The following KPNA6 variants were observed in gnomAD, a reference collection of about 807,000 sequenced individuals.
The protein encoded by KPNA6 is karyopherin subunit alpha 6, also known as importin subunit alpha-7.
Under a neutral mutation model 72.0 loss-of-function variants are expected in KPNA6, and 9 were observed. The ratio of observed to expected loss-of-function variants is 0.13; its 90% CI spans 0.08 to 0.22. The LOEUF is 0.22. Ranked by LOEUF, KPNA6 falls within the 10% of genes least tolerant of loss-of-function variation. KPNA6 has a pLI of 1.00. For synonymous variants in KPNA6, 219 were observed against 242.1 expected, an observed-to-expected ratio of 0.90 and a Z score of 0.89; for missense variants, 374 against 655.7, an observed-to-expected ratio of 0.57 and a Z score of 4.69.
intron 1 of KPNA6, among the ~76,000 whole-genome samples, chr1:32,145,755 T>G (rs1406967830): frequency 6.6e-6 from 1 of 152,256 alleles, no homozygotes. Context: ...GGTTTATTTC[T>G]GGACTCTCAA....
At chr1:32,159,914 C>T (rs1037264275) in intron 6 of KPNA6, among the ~76,000 whole-genome samples, 5 of 152,234 alleles carry the variant, frequency 3.3e-5, no homozygotes, top group South Asian at 4.1e-4. Context: ...AAAGATACAA[C>T]TTCCATTTCT....
At chr1:32,145,588 G>A (rs1557472849) in intron 1 of KPNA6, among the ~76,000 whole-genome samples, 3 of 152,106 alleles carry the variant, frequency 2.0e-5, no homozygotes, top group Non-Finnish European at 4.4e-5. Context: ...GCCTCCCAAA[G>A]TGTTGAGATT....
At chr1:32,143,255 G>C (rs1641871748) in intron 1 of KPNA6, among the ~76,000 whole-genome samples, 1 of 151,948 alleles carries the variant, frequency 6.6e-6, no homozygotes, top group Non-Finnish European at 1.5e-5. Flanking sequence ...TGTAGAGATT[G>C]TGGTTTCACC....
rs1272760389 is a variant in KPNA6 at position 32,143,148 on chromosome 1, C to T, written c.5-11440C>T. ...TGCAGACACAGCTCACTTGCAGCCT[C>T]AACCTCCTGGGCTCAAGCAATCCTC... is the stretch of plus-strand genomic sequence containing the variant. On this transcript the variant is annotated intron_variant, in intron 1 of 13. Coordinates refer to ENST00000373625, the MANE Select transcript of KPNA6 (RefSeq NM_012316.5). The T allele has an allele frequency of 6.2e-6, 3 of 485,960 alleles. No individual in the cohort carries two copies. The Admixed American group carries it at 7.3e-5, about 12-fold the overall frequency. The allele number at this position is 485,960 out of a possible 1,614,324, so 30.1% of individuals were successfully genotyped here.
At chr1:32,134,401 G>T (rs992755702) in intron 1 of KPNA6, among the ~76,000 whole-genome samples, 1 of 151,874 alleles carries the variant, frequency 6.6e-6, no homozygotes, top group Non-Finnish European at 1.5e-5. Flanking sequence ...AGCACTTTAG[G>T]AGGCTGAGGC....
At chr1:32,161,097 A>G (rs1642229783) in intron 7 of KPNA6, among the ~76,000 whole-genome samples, 1 of 152,072 alleles carries the variant, frequency 6.6e-6, no homozygotes, top group African/African-American at 2.4e-5. Flanking sequence ...GATCAAGGCT[A>G]CAGTGAGCTG....
At chr1:32,108,912 AT>A (rs959918883) in intron 1 of KPNA6, among the ~76,000 whole-genome samples, 7 of 152,204 alleles carry the variant, frequency 4.6e-5, no homozygotes, top group Non-Finnish European at 8.8e-5. Context: ...AAGTCTTTGG[AT>A]TTAGAGACAG....
At chr1:32,129,900 G>A (rs193292888) in intron 1 of KPNA6, among the ~76,000 whole-genome samples, 72 of 152,230 alleles carry the variant, frequency 4.7e-4, no homozygotes, top group South Asian at 1.5e-3. Flanking sequence ...AACAACAAAG[G>A]AGTCCTCTTG....
intron 1 of KPNA6, among the ~76,000 whole-genome samples, chr1:32,143,603 T>A (rs891130632): frequency 4.6e-5 from 7 of 150,876 alleles, no homozygotes; most frequent in Non-Finnish European, 8.8e-5. Flanking sequence ...AAAAAAAAAT[T>A]ATTAGTGATA....
intron 7 of KPNA6, 71 bp downstream of exon 7, chr1:32,160,774 A>T: frequency 9.6e-7 from 1 of 1,043,234 alleles, no homozygotes; most frequent in Non-Finnish European, 1.5e-6. Flanking sequence ...TGGGGGCAGC[A>T]TACTTGATTC....
chr1:32,125,031 G>A (rs1641508749), intron 1 of KPNA6, among the ~76,000 whole-genome samples: 1 of 151,320 alleles, frequency 6.6e-6, no homozygotes, highest in African/African-American at 2.4e-5. Context: ...TTTTAGTGGA[G>A]ATGGTGTTCC....
chr1:32,138,880 TC>T (rs1641788599), intron 1 of KPNA6, among the ~76,000 whole-genome samples: 1 of 152,144 alleles, frequency 6.6e-6, no homozygotes, highest in Admixed American at 6.6e-5. Context: ...GGTATTTGTG[TC>T]TTGTGTCCTG....
At chr1:32,151,184 C>T (rs1325541909) in intron 1 of KPNA6, among the ~76,000 whole-genome samples, 4 of 151,954 alleles carry the variant, frequency 2.6e-5, no homozygotes, top group South Asian at 4.1e-4. Flanking sequence ...GGATGTAGGG[C>T]GTTTTATAGG....
chr1:32,169,725 G>C (rs898863972), intron 12 of KPNA6, among the ~76,000 whole-genome samples, 157 bp from the exon 13 acceptor site: 1 of 151,210 alleles, frequency 6.6e-6, no homozygotes, highest in Non-Finnish European at 1.5e-5. Flanking sequence ...CTCCCAAAGT[G>C]CTGGGATCAC....
intron 1 of KPNA6, among the ~76,000 whole-genome samples, chr1:32,125,759 C>A (rs1641520339): frequency 6.6e-6 from 1 of 152,010 alleles, no homozygotes; most frequent in South Asian, 2.1e-4. Context: ...GTTCCAGAAT[C>A]CTAATTTTTT....
At chr1:32,135,925 C>A (rs1641726861) in intron 1 of KPNA6, among the ~76,000 whole-genome samples, 1 of 151,842 alleles carries the variant, frequency 6.6e-6, no homozygotes, top group Admixed American at 6.6e-5. Flanking sequence ...AAACCTATTA[C>A]CAAAGGAAAT....
intron 7 of KPNA6, among the ~76,000 whole-genome samples, 172 bp downstream of exon 7, chr1:32,160,875 G>A (rs1211792994): frequency 1.3e-5 from 2 of 152,180 alleles, no homozygotes; most frequent in Non-Finnish European, 2.9e-5. Flanking sequence ...AGAAGGTTGT[G>A]GCCGGGCATG....
Position 32,162,888 on chromosome 1 carries a change from A to G in KPNA6, c.912-347A>G, listed in dbSNP as rs183776233. ...GGGAGGCTGAGGCGGGTGGATCACA[A>G]GGTCAGGAGATCAAGACCATCCTGG... On this transcript the variant is annotated intron_variant, in intron 9 of 13. Coordinates refer to ENST00000373625, the MANE Select transcript of KPNA6 (RefSeq NM_012316.5). 1.9e-4 allele frequency among the ~76,000 whole-genome samples: 29 copies of G among 151,710 alleles called. 1 individual carries two copies. In the East Asian group the frequency reaches 5.1e-3, roughly 26 times the overall value.
At chr1:32,128,381 ATGTATT>A (rs1641570591) in intron 1 of KPNA6, among the ~76,000 whole-genome samples, 1 of 89,918 alleles carries the variant, frequency 1.1e-5, no homozygotes, top group African/African-American at 4.3e-5. Flanking sequence ...TATATTATAT[ATGTATT>A]TATATATATA....
Sources: gnomAD v4.1 joint callset for allele counts (sites outside exome capture counted in the v4.1 genomes callset) on GRCh38, gnomAD v4.1.1 for gene constraint, MANE v1.5 for transcripts, NCBI Gene and HGNC (gene_info 2026-07-23, HGNC 2026-07-21) for gene names.